KIF3B: variants seen among roughly 807,000 people sequenced by gnomAD.
KIF3B encodes the protein kinesin family member 3B, also known as kinesin-like protein KIF3B.
In KIF3B, 38 loss-of-function variants were observed where a neutral mutation model predicts 74.3. That is an observed-to-expected ratio of 0.51 (90% CI 0.39 to 0.67). The LOEUF is 0.67. Ranked by LOEUF, KIF3B falls within the 30% of genes least tolerant of loss-of-function variation. KIF3B has a pLI of 0.00. For synonymous variants in KIF3B, 326 were observed against 342.5 expected (o/e 0.95, Z 0.53); for missense variants, 649 against 932.0 (o/e 0.70, Z 3.95).
chr20:32,290,222 A>C (rs1463366550), intron 1 of KIF3B, among the ~76,000 whole-genome samples: 1 of 151,916 alleles, frequency 6.6e-6, no homozygotes, highest in Admixed American at 6.6e-5. Context: ...CGCTCTACTA[A>C]AAATACAAAA....
rs1472977131 is a variant in KIF3B, at chr20:32,324,797, G to A, written c.1749-1974G>A. Among the ~76,000 whole-genome samples, 3 of 152,172 alleles carry A rather than the reference G, an allele frequency of 2.0e-5. No individual in the cohort carries two copies. In the East Asian group the frequency reaches 5.8e-4, roughly 29 times the overall value. Reference sequence around the variant, plus strand: ...TAATCCCAGCACTTTTGGAGGCTGAGGTGGGCAAATTGCCTGAGCTCAGGA... The same window carrying A: ...TAATCCCAGCACTTTTGGAGGCTGAAGTGGGCAAATTGCCTGAGCTCAGGA... On this transcript the variant is annotated intron_variant, in intron 5 of 8. Coordinates refer to ENST00000375712, the MANE Select transcript of KIF3B (RefSeq NM_004798.4).
intron 5 of KIF3B, among the ~76,000 whole-genome samples, chr20:32,320,866 G>A (rs561490941): frequency 6.6e-6 from 1 of 151,874 alleles, no homozygotes; most frequent in East Asian, 1.9e-4. Context: ...GGACATTTGG[G>A]TTATTTCTAC....
At chr20:32,321,505 A>G (rs1331817174) in intron 5 of KIF3B, among the ~76,000 whole-genome samples, 1 of 151,526 alleles carries the variant, frequency 6.6e-6, no homozygotes, top group African/African-American at 2.4e-5. Context: ...ATACTGTTCC[A>G]TTGTTCTATA....
rs1012882626 is a variant in KIF3B at position 32,308,715 on chromosome 20, T to C, written c.-65-998T>C. 5.4e-5 allele frequency among the ~76,000 whole-genome samples: 8 copies of C among 149,296 alleles called. No individual in the cohort carries two copies. In the South Asian group the frequency reaches 1.7e-3, roughly 32 times the overall value. ...CGTGAGCCACTGAGCCTGGTCATTA[T>C]TTTTATTTTACTTTTTTTTTTTTTT... On this transcript the variant is annotated intron_variant, in intron 1 of 8. Transcript: ENST00000375712.
At chr20:32,292,585 A>G (rs79554336) in intron 1 of KIF3B, among the ~76,000 whole-genome samples, 1 of 74,730 alleles carries the variant, frequency 1.3e-5, no homozygotes, top group African/African-American at 2.8e-4. Flanking sequence ...TAAAAATAGA[A>G]AAAAAAAAAA....
intron 1 of KIF3B, among the ~76,000 whole-genome samples, chr20:32,302,529 A>G (rs2047749217): frequency 7.1e-6 from 1 of 141,104 alleles, no homozygotes; most frequent in Non-Finnish European, 1.6e-5. Context: ...CTTCTTTCAT[A>G]GGCTTGGAGC....
At chr20:32,290,511 CATT>C (rs914883617) in intron 1 of KIF3B, among the ~76,000 whole-genome samples, 1 of 152,146 alleles carries the variant, frequency 6.6e-6, no homozygotes, top group Non-Finnish European at 1.5e-5. Flanking sequence ...CTGCCCATAG[CATT>C]ATTCACAATA....
At chr20:32,289,932 T>C (rs1195783684) in intron 1 of KIF3B, among the ~76,000 whole-genome samples, 5 of 152,132 alleles carry the variant, frequency 3.3e-5, no homozygotes, top group Admixed American at 2.6e-4. Flanking sequence ...CTGTTTTTTT[T>C]CTCCTGCAAA....
rs543295878 is a variant in KIF3B, at chr20:32,287,325, T to A, written c.-66+9560T>A. Among the ~76,000 whole-genome samples, 30 of 151,454 alleles carry A rather than the reference T, an allele frequency of 2.0e-4. No individual in the cohort carries two copies. The East Asian group carries it at 5.4e-3, about 27-fold the overall frequency. ...GCCACCAGGCCCAATCTATTTTTTTTATTTGTTTATTTTTGAGATAGGGTG... is the reference window on the plus strand; with the variant it reads ...GCCACCAGGCCCAATCTATTTTTTTAATTTGTTTATTTTTGAGATAGGGTG... On this transcript the variant is annotated intron_variant, in intron 1 of 8. Coordinates refer to ENST00000375712, the MANE Select transcript of KIF3B (RefSeq NM_004798.4).
rs143403798 is a variant in KIF3B, at chr20:32,326,104, G to T, written c.1749-667G>T. Among the ~76,000 whole-genome samples, 65 of 152,256 alleles carry T rather than the reference G, an allele frequency of 4.3e-4. 3 individuals are homozygous for T. In the East Asian group the frequency reaches 0.012, roughly 27 times the overall value. The stretch of plus-strand genomic sequence containing the variant: ...ATTGTTTTGTCCTGAGGCTTTAGAA[G>T]AGTAAAGGCAGAGATATAATGGGAG... On this transcript the variant is annotated intron_variant, in intron 5 of 8. Coordinates refer to ENST00000375712, the MANE Select transcript of KIF3B (RefSeq NM_004798.4).
At chr20:32,325,652 TC>T (rs1569210103) in intron 5 of KIF3B, among the ~76,000 whole-genome samples, 3 of 112,698 alleles carry the variant, frequency 2.7e-5, no homozygotes, top group Non-Finnish European at 3.7e-5. Flanking sequence ...TCTCTCTCTC[TC>T]TCTTTTTTTT....
At chr20:32,301,199 C>T (rs1039742041) in intron 1 of KIF3B, among the ~76,000 whole-genome samples, 3 of 150,912 alleles carry the variant, frequency 2.0e-5, no homozygotes, top group Non-Finnish European at 4.4e-5. Flanking sequence ...GCAATTCTCC[C>T]GCCTCAGCCT....
At chr20:32,293,031 G>A (rs1206536312) in intron 1 of KIF3B, among the ~76,000 whole-genome samples, 1 of 152,126 alleles carries the variant, frequency 6.6e-6, no homozygotes, top group African/African-American at 2.4e-5. Flanking sequence ...AAGGCAGGCG[G>A]AACACCTGAG....
At chr20:32,312,140 G>A (rs1333260261) in intron 2 of KIF3B, among the ~76,000 whole-genome samples, 11 of 146,242 alleles carry the variant, frequency 7.5e-5, no homozygotes, top group African/African-American at 2.8e-4. Flanking sequence ...TTTGAGACAG[G>A]ATCTTGCTCT....
intron 1 of KIF3B, among the ~76,000 whole-genome samples, chr20:32,297,570 A>G (rs1657490561): frequency 6.6e-6 from 1 of 152,152 alleles, no homozygotes; most frequent in Non-Finnish European, 1.5e-5. Flanking sequence ...GCCTCGGCAA[A>G]TGGCATTTAA....
chr20:32,292,470 G>T (rs1357574638), intron 1 of KIF3B, among the ~76,000 whole-genome samples: 6 of 151,494 alleles, frequency 4.0e-5, no homozygotes, highest in Non-Finnish European at 8.8e-5. Context: ...AGGCATGGTG[G>T]CTCATGCCTG....
At chr20:32,308,903 G>A (rs975076728) in intron 1 of KIF3B, among the ~76,000 whole-genome samples, 2 of 150,982 alleles carry the variant, frequency 1.3e-5, no homozygotes, top group Admixed American at 1.3e-4. Flanking sequence ...ATTTAGTAGA[G>A]ATGGGGTTTC....
chr20:32,323,942 G>A (rs1008185695), intron 5 of KIF3B, among the ~76,000 whole-genome samples: 2 of 151,890 alleles, frequency 1.3e-5, no homozygotes, highest in African/African-American at 4.8e-5. Context: ...CAGATAGCCT[G>A]TAGAAATATC....
intron 1 of KIF3B, among the ~76,000 whole-genome samples, chr20:32,299,746 T>G (rs980700559): frequency 6.6e-6 from 1 of 151,874 alleles, no homozygotes; most frequent in African/African-American, 2.4e-5. Flanking sequence ...CATATTTTAT[T>G]ATTCAATTCC....
Sources: gnomAD v4.1 joint callset for allele counts (sites outside exome capture counted in the v4.1 genomes callset) on GRCh38, gnomAD v4.1.1 for gene constraint, MANE v1.5 for transcripts, NCBI Gene and HGNC (gene_info 2026-07-23, HGNC 2026-07-21) for gene names.